DNMBP: variants seen among roughly 807,000 people sequenced by gnomAD.
DNMBP encodes dynamin binding protein.
Under a neutral mutation model 150.0 loss-of-function variants are expected in DNMBP, and 87 were observed. The ratio of observed to expected loss-of-function variants is 0.58; its 90% confidence interval spans 0.49 to 0.69. DNMBP has a LOEUF of 0.69. Ranked by LOEUF, DNMBP falls within the 30% of genes least tolerant of loss-of-function variation. The pLI, the probability that DNMBP is intolerant of heterozygous loss-of-function variation, is 0.00. For synonymous variants in DNMBP, 711 were observed against 750.4 expected (o/e 0.95, Z 0.86); for missense variants, 1,774 against 1,949.0 (o/e 0.91, Z 1.69).
intron 4 of DNMBP, among the ~76,000 whole-genome samples, chr10:99,915,108 A>AAAAAAATATATATATAT (rs10654940): frequency 6.0e-5 from 6 of 99,802 alleles, no homozygotes; most frequent in Non-Finnish European, 9.4e-5. Flanking sequence ...AAAAAAAAAA[A>AAAAAAATATATATATAT]ATATATATAT....
At chr10:99,963,169 A>G (rs2040582160) in intron 3 of DNMBP, among the ~76,000 whole-genome samples, 1 of 151,920 alleles carries the variant, frequency 6.6e-6, no homozygotes, top group East Asian at 1.9e-4. Context: ...CCCAGGCTCA[A>G]GCAATCCTCC....
chr10:99,882,904 A>C (rs1443481526), intron 15 of DNMBP, among the ~76,000 whole-genome samples: 1 of 152,066 alleles, frequency 6.6e-6, no homozygotes, highest in African/African-American at 2.4e-5. Context: ...CGTCTCTACA[A>C]AAAATACAAA....
chr10:100,005,623 C>CGG (rs2041059929), intron 1 of DNMBP, among the ~76,000 whole-genome samples: 1 of 151,808 alleles, frequency 6.6e-6, no homozygotes, highest in South Asian at 2.1e-4. Context: ...GGCGTGGTGG[C>CGG]GCATGACTGT....
chr10:99,943,053 G>C (rs546504325), intron 4 of DNMBP, among the ~76,000 whole-genome samples: 40 of 152,258 alleles, frequency 2.6e-4, no homozygotes, highest in East Asian at 9.7e-4. Flanking sequence ...GAGGCTGAGG[G>C]GGGGGCGGAT....
At position 99,894,096 on chromosome 10, in the gene DNMBP, C is replaced by T. The variant is rs573256650; in HGVS notation, c.3156+850G>A. ...GAGGCCAGTTTAAGACCAGCCTGGG[C>T]AACATAGTAAGACCTCATCTCTGCT... On this transcript the variant is annotated intron_variant, in intron 11 of 16. Transcript: ENST00000324109. Among the ~76,000 whole-genome samples the T allele has an allele frequency of 6.6e-5, 10 of 152,208 alleles. No homozygotes were observed. The South Asian group carries it at 1.0e-3, about 16-fold the overall frequency.
At chr10:99,969,615 C>T (rs985268082) in intron 2 of DNMBP, among the ~76,000 whole-genome samples, 5 of 152,052 alleles carry the variant, frequency 3.3e-5, no homozygotes, top group African/African-American at 9.7e-5. Flanking sequence ...CAAATTGTTA[C>T]GGAAGTTCAG....
At chr10:99,924,331 T>A (rs1228916699) in intron 4 of DNMBP, among the ~76,000 whole-genome samples, 1 of 151,624 alleles carries the variant, frequency 6.6e-6, no homozygotes, top group Non-Finnish European at 1.5e-5. Flanking sequence ...TAGTCCCAGC[T>A]ACTCGGGAGG....
At chr10:99,887,991 A>AT (rs2039496689) in intron 12 of DNMBP, among the ~76,000 whole-genome samples, 1 of 151,704 alleles carries the variant, frequency 6.6e-6, no homozygotes, top group African/African-American at 2.4e-5. Context: ...CACCTGGCTA[A>AT]TTTTGTATTT....
At chr10:99,898,492 A>G in intron 8 of DNMBP, 1 of 673,986 alleles carries the variant, frequency 1.5e-6, no homozygotes, top group South Asian at 1.7e-5. Flanking sequence ...CATCTAATAA[A>G]CACCAGGTAC....
At chr10:99,989,608 C>A (rs1033239687) in intron 1 of DNMBP, among the ~76,000 whole-genome samples, 6 of 152,138 alleles carry the variant, frequency 3.9e-5, no homozygotes, top group African/African-American at 1.4e-4. Context: ...CTATTTGGGA[C>A]ACTGAGACAG....
chr10:99,914,217 T>G lies in DNMBP; in HGVS notation c.2261-5071A>C, dbSNP rs1262484804. The G allele has an allele frequency of 8.4e-6, 7 of 834,776 alleles. No individual in the cohort carries two copies. In the African/African-American group the frequency reaches 1.2e-4, roughly 15 times the overall value. 51.7% of individuals were successfully genotyped at this position (834,776 alleles called of 1,614,324 possible). On this transcript the variant is annotated intron_variant, in intron 4 of 16. Transcript: ENST00000324109. ...ACCAGCGGGCCCAGCAGTACCTGGA[T>G]CAACACCTTCCTTTCTATTTGGTGT...
intron 4 of DNMBP, among the ~76,000 whole-genome samples, chr10:99,929,008 G>GTGGCA (rs903671986): frequency 3.3e-5 from 5 of 152,178 alleles, no homozygotes; most frequent in African/African-American, 1.2e-4. Context: ...GCCGGGCATG[G>GTGGCA]TGGCATGTAC....
intron 11 of DNMBP, among the ~76,000 whole-genome samples, chr10:99,890,584 G>A (rs1353724835): frequency 1.3e-5 from 2 of 152,152 alleles, no homozygotes; most frequent in African/African-American, 2.4e-5. Flanking sequence ...AGCATGAGAG[G>A]GATATTAGGG....
intron 1 of DNMBP, among the ~76,000 whole-genome samples, chr10:100,009,081 G>A (rs1044866971): frequency 6.6e-6 from 1 of 152,226 alleles, no homozygotes; most frequent in African/African-American, 2.4e-5. Flanking sequence ...ATAAGTGAGT[G>A]CCAAAAATAT....
intron 1 of DNMBP, among the ~76,000 whole-genome samples, chr10:99,979,986 A>C (rs2040765491): frequency 6.6e-6 from 1 of 152,182 alleles, no homozygotes; most frequent in Non-Finnish European, 1.5e-5. Flanking sequence ...CCCCCAAATG[A>C]TGCCACCTCT....
chr10:99,972,886 A>T (rs970418616), intron 1 of DNMBP, among the ~76,000 whole-genome samples: 1 of 152,036 alleles, frequency 6.6e-6, no homozygotes, highest in Non-Finnish European at 1.5e-5. Context: ...CTCCCAAGTG[A>T]TTCTCAAGGC....
In DNMBP at chr10:99,880,017, C is replaced by T. The variant is rs764174376; in HGVS notation, c.4342G>A (p.Asp1448Asn). The T allele has an allele frequency of 6.2e-7, 1 of 1,614,190 alleles. No homozygotes were observed. The highest frequency in any genetic ancestry group is 1.7e-5 in the Admixed American group (1 of 60,020). ...PDSTSQPRSG[D>N]SADVARDVKQ... is the part of the protein sequence containing the mutation. ...ACATCTCTAGCTACATCTGCAGAGT[C>T]CCCTGACCTTGGCTGGGAGGTGGAG... Residue 1448 changes from aspartate to asparagine, a missense_variant, in exon 16 of 17, where the codon GAC becomes AAC. Physicochemically the swap from Asp to Asn is conservative, Grantham distance 23. Transcript: ENST00000324109.
At chr10:99,936,043 G>A (rs1007858850) in intron 4 of DNMBP, among the ~76,000 whole-genome samples, 6 of 152,148 alleles carry the variant, frequency 3.9e-5, no homozygotes, top group Non-Finnish European at 8.8e-5. Context: ...TACTGAGTGA[G>A]AAGGAAATTT....
chr10:99,890,181 G>T (rs1170942079), intron 11 of DNMBP, among the ~76,000 whole-genome samples: 2 of 152,204 alleles, frequency 1.3e-5, no homozygotes, highest in African/African-American at 2.4e-5. Context: ...GAGATCTAAT[G>T]TGAAAAGTGA....
Sources: allele counts gnomAD v4.1 joint callset (sites outside exome capture counted in the v4.1 genomes callset), GRCh38; gene constraint gnomAD v4.1.1; transcripts MANE v1.5; gene names NCBI Gene and HGNC (gene_info 2026-07-23, HGNC 2026-07-21).